The following ULK4 variants were observed in gnomAD, a reference collection of about 807,000 sequenced individuals.
ULK4 encodes inactive serine/threonine-protein kinase ULK4.
In ULK4, 133 loss-of-function variants were observed where a neutral mutation model predicts 160.6. The observed-to-expected ratio is 0.83, with a 90% CI of 0.72 to 0.96. The LOEUF is 0.96. Among genes scored for constraint, ULK4 ranks in the 40% least tolerant of loss-of-function variants. The pLI is 0.00. For synonymous variants in ULK4, 534 were observed against 539.8 expected (o/e 0.99, Z 0.15); for missense variants, 1,580 against 1,499.5 (o/e 1.05, Z -0.89).
chr3:41,894,908 A>C (rs1384141240), intron 16 of ULK4, among the ~76,000 whole-genome samples: 1 of 152,170 alleles, frequency 6.6e-6, no homozygotes, highest in Non-Finnish European at 1.5e-5. Flanking sequence ...TGTGCTCTCC[A>C]CCTGGTATGT....
At chr3:41,272,304 T>G (rs1368938239) in intron 35 of ULK4, among the ~76,000 whole-genome samples, 1 of 151,940 alleles carries the variant, frequency 6.6e-6, no homozygotes, top group East Asian at 1.9e-4. Context: ...TTACCTTCTG[T>G]ATACCTGAAA....
At chr3:41,496,229 A>G (rs1332059154) in intron 32 of ULK4, among the ~76,000 whole-genome samples, 1 of 152,164 alleles carries the variant, frequency 6.6e-6, no homozygotes, top group Non-Finnish European at 1.5e-5. Flanking sequence ...AATGCTCATC[A>G]TAAGTAAACT....
At chr3:41,271,100 C>A (rs530227771) in intron 35 of ULK4, among the ~76,000 whole-genome samples, 1 of 152,206 alleles carries the variant, frequency 6.6e-6, no homozygotes, top group African/African-American at 2.4e-5. Flanking sequence ...ATATAGTAAA[C>A]TATACAATTT....
At chr3:41,420,875 A>AG (rs2082648628) in intron 34 of ULK4, among the ~76,000 whole-genome samples, 3 of 151,730 alleles carry the variant, frequency 2.0e-5, no homozygotes, top group Non-Finnish European at 4.4e-5. Flanking sequence ...AAACTTTGGG[A>AG]AGCTGAGGCA....
chr3:41,546,321 T>C (rs766380691), intron 32 of ULK4, among the ~76,000 whole-genome samples: 9 of 152,158 alleles, frequency 5.9e-5, no homozygotes, highest in Non-Finnish European at 1.2e-4. Context: ...CTATATTGAT[T>C]TAATCCGTAG....
chr3:41,780,919 A>G (rs1459885849), intron 21 of ULK4, among the ~76,000 whole-genome samples: 2 of 152,126 alleles, frequency 1.3e-5, no homozygotes, highest in African/African-American at 4.8e-5. Context: ...TCAAATTCCC[A>G]CACAGAAAGG....
intron 32 of ULK4, among the ~76,000 whole-genome samples, chr3:41,494,750 A>G (rs1050188354): frequency 2.6e-4 from 39 of 152,232 alleles, no homozygotes; most frequent in Admixed American, 2.3e-3. Context: ...TACAAAATCA[A>G]TGTGCAAAAA....
At chr3:41,644,843 A>T (rs1222768986) in intron 30 of ULK4, among the ~76,000 whole-genome samples, 10 of 152,104 alleles carry the variant, frequency 6.6e-5, no homozygotes, top group Non-Finnish European at 7.4e-5. Flanking sequence ...TTGGTTGGTA[A>T]GCTATTGATT....
chr3:41,276,376 A>G (rs1213375583), intron 35 of ULK4, among the ~76,000 whole-genome samples: 1 of 152,146 alleles, frequency 6.6e-6, no homozygotes, highest in Admixed American at 6.5e-5. Context: ...TGTGTTCTCA[A>G]TTTGTCCCAT....
intron 35 of ULK4, among the ~76,000 whole-genome samples, chr3:41,275,197 T>C (rs2079209039): frequency 6.6e-6 from 1 of 152,246 alleles, no homozygotes; most frequent in Non-Finnish European, 1.5e-5. Context: ...GTTACTCATG[T>C]GTCATTGCTA....
chr3:41,345,674 G>A (rs2080783940), intron 35 of ULK4, among the ~76,000 whole-genome samples: 1 of 152,082 alleles, frequency 6.6e-6, no homozygotes, highest in African/African-American at 2.4e-5. Flanking sequence ...GCTAATAGAT[G>A]CTGGGCTTAA....
intron 34 of ULK4, among the ~76,000 whole-genome samples, chr3:41,415,463 C>T (rs1212817093): frequency 1.3e-5 from 2 of 152,166 alleles, no homozygotes; most frequent in East Asian, 3.9e-4. Flanking sequence ...CCCACCTCTG[C>T]CCCTTGCTCA....
chr3:41,356,891 A>C lies in ULK4; in HGVS notation c.3678+41188T>G, dbSNP rs867279233. Among the ~76,000 whole-genome samples, 6 of 152,270 alleles carry C rather than the reference A, an allele frequency of 3.9e-5. 1 individual carries two copies. In the Middle Eastern group the frequency reaches 0.014, roughly 345 times the overall value. ...AATGAGGCCTAGTAGTTCAGGCAGC[A>C]GGTTGAAAACACCTGCTCCCCACAC... is the stretch of plus-strand genomic sequence containing the variant. On this transcript the variant is annotated intron_variant, in intron 35 of 36. Coordinates refer to ENST00000301831, the MANE Select transcript of ULK4 (RefSeq NM_017886.4).
At chr3:41,575,592 A>T (rs1341001858) in intron 31 of ULK4, among the ~76,000 whole-genome samples, 2 of 152,236 alleles carry the variant, frequency 1.3e-5, no homozygotes, top group African/African-American at 4.8e-5. Context: ...GCAACTTAAA[A>T]TTATTTTTAA....
intron 21 of ULK4, among the ~76,000 whole-genome samples, chr3:41,773,953 C>G (rs1440991974): frequency 6.6e-6 from 1 of 152,180 alleles, no homozygotes; most frequent in Non-Finnish European, 1.5e-5. Flanking sequence ...ACAAACCTGA[C>G]AAACACAAGC....
At chr3:41,698,220 C>A (rs1412688418) in intron 27 of ULK4, among the ~76,000 whole-genome samples, 1 of 152,174 alleles carries the variant, frequency 6.6e-6, no homozygotes, top group African/African-American at 2.4e-5. Context: ...TTAAGCAAGG[C>A]ATGACTGTAT....
At position 41,379,349 on chromosome 3, in the gene ULK4, G is replaced by A. The variant is rs115107485; in HGVS notation, c.3678+18730C>T. ...AAATGGAGGCAGAATAATTTGAAAT[G>A]AGAGCCCTAATCATTACTTGCTTCA... On this transcript the variant is annotated intron_variant, in intron 35 of 36. Coordinates refer to ENST00000301831, the MANE Select transcript of ULK4 (RefSeq NM_017886.4). 5.0e-3 allele frequency among the ~76,000 whole-genome samples: 754 copies of A among 152,262 alleles called. 4 individuals carry two copies. Among genetic ancestry groups the A allele is most frequent in the Middle Eastern group, 0.014 (4 of 294 alleles).
chr3:41,739,177 A>G (rs759641666), intron 22 of ULK4, among the ~76,000 whole-genome samples: 6 of 151,994 alleles, frequency 3.9e-5, no homozygotes, highest in Admixed American at 1.3e-4. Flanking sequence ...CCATCATCAA[A>G]TGAGTCAATC....
At chr3:41,384,490 G>T (rs1029170909) in intron 35 of ULK4, among the ~76,000 whole-genome samples, 2 of 152,136 alleles carry the variant, frequency 1.3e-5, no homozygotes, top group African/African-American at 4.8e-5. Context: ...CCCAGTTCAA[G>T]ACCAGCCTGG....
Sources: allele counts gnomAD v4.1 joint callset (sites outside exome capture counted in the v4.1 genomes callset), GRCh38; gene constraint gnomAD v4.1.1; transcripts MANE v1.5; gene names NCBI Gene and HGNC (gene_info 2026-07-23, HGNC 2026-07-21).